GALNS: variants seen among roughly 807,000 people sequenced by gnomAD.
GALNS encodes the protein N-acetylgalactosamine-6-sulfatase.
GALNS carries 65 observed loss-of-function variants against 65.9 expected under a neutral mutation model. The ratio of observed to expected loss-of-function variants is 0.99; its 90% CI spans 0.81 to 1.21. The LOEUF (loss-of-function observed/expected upper bound fraction) is 1.21. Among genes scored for constraint, GALNS ranks in the 50% most tolerant of loss-of-function variants. The pLI, the probability that GALNS is intolerant of heterozygous loss-of-function variation, is 0.00. For missense variants in GALNS, 776 were observed against 700.7 expected, an observed-to-expected ratio of 1.11 and a Z score of -1.21; for synonymous variants, 346 against 288.9, an observed-to-expected ratio of 1.20 and a Z score of -2.00.
intron 1 of GALNS, among the ~76,000 whole-genome samples, chr16:88,851,810 G>C (rs1967521351): frequency 6.6e-6 from 1 of 152,254 alleles, no homozygotes; most frequent in Non-Finnish European, 1.5e-5. Flanking sequence ...CTGGGGAGGG[G>C]CGTCCGCCAT....
intron 11 of GALNS, among the ~76,000 whole-genome samples, chr16:88,823,254 C>G (rs1263128663): frequency 6.6e-6 from 1 of 152,136 alleles, no homozygotes; most frequent in African/African-American, 2.4e-5. Context: ...AGGAGCAGGA[C>G]CAACATGTGA....
At chr16:88,840,069 G>A (rs532956452) in intron 4 of GALNS, among the ~76,000 whole-genome samples, 1 of 152,338 alleles carries the variant, frequency 6.6e-6, no homozygotes, top group African/African-American at 2.4e-5. Context: ...CCCTGTGTGA[G>A]GACTCTGCAG....
At chr16:88,834,565 G>A (rs1289128262) in intron 8 of GALNS, among the ~76,000 whole-genome samples, 2 of 131,024 alleles carry the variant, frequency 1.5e-5, no homozygotes, top group South Asian at 2.8e-4. Flanking sequence ...AGGCTGCAGG[G>A]CCCCCCTCAG....
chr16:88,829,807 T>G (rs1456634908), intron 9 of GALNS, among the ~76,000 whole-genome samples: 1 of 152,196 alleles, frequency 6.6e-6, no homozygotes, highest in Non-Finnish European at 1.5e-5. Context: ...TCCCTGGGCC[T>G]TCAGGCGCGC....
chr16:88,824,010 C>G (rs1207449478), intron 11 of GALNS, among the ~76,000 whole-genome samples: 1 of 152,226 alleles, frequency 6.6e-6, no homozygotes, highest in African/African-American at 2.4e-5. Context: ...CCACGAGCAG[C>G]TTCCCTCCTC....
chr16:88,846,081 G>A (rs1967229890), intron 1 of GALNS, among the ~76,000 whole-genome samples: 1 of 152,212 alleles, frequency 6.6e-6, no homozygotes, highest in Non-Finnish European at 1.5e-5. Flanking sequence ...AACCCATTAT[G>A]CCAATTTAAA....
chr16:88,816,403 T>A (rs1004605568), intron 13 of GALNS: 1 of 985,294 alleles, frequency 1.0e-6, no homozygotes, highest in Non-Finnish European at 1.2e-6. Context: ...TCAGGGGTCC[T>A]GAGACAGGGA....
intron 1 of GALNS, chr16:88,845,047 T>TA (rs1177506771): frequency 6.6e-6 from 1 of 152,254 alleles, no homozygotes; most frequent in African/African-American, 2.4e-5. Context: ...CTTATGGGTT[T>TA]AAAAAACGGC....
rs8059203 is a variant in GALNS at position 88,815,594 on chromosome 16, G to A, written c.1483-1069C>T. The A allele has an allele frequency of 9.5e-3, 9,321 of 985,460 alleles. 660 individuals carry two copies. In the African/African-American group the frequency reaches 0.15, roughly 16 times the overall value. 61.0% of individuals were successfully genotyped at this position (985,460 alleles called of 1,614,324 possible). ...AGGAGCCTTCTTGGCTGAAATGAGTGCAGTTTGGTTCTGTGTCCCCATCCA... is the reference window on the plus strand; with the variant it reads ...AGGAGCCTTCTTGGCTGAAATGAGTACAGTTTGGTTCTGTGTCCCCATCCA... On this transcript the variant is annotated intron_variant, in intron 13 of 13. Coordinates refer to ENST00000268695, the MANE Select transcript of GALNS (RefSeq NM_000512.5).
At chr16:88,849,583 G>A (rs1358402053) in intron 1 of GALNS, among the ~76,000 whole-genome samples, 3 of 152,088 alleles carry the variant, frequency 2.0e-5, no homozygotes, top group Admixed American at 1.3e-4. Context: ...ACCGTGTCAG[G>A]CCAACTTTTT....
intron 9 of GALNS, among the ~76,000 whole-genome samples, chr16:88,830,290 G>A (rs1047799334): frequency 2.0e-5 from 3 of 151,004 alleles, no homozygotes; most frequent in East Asian, 3.9e-4. Context: ...AGATGCCTGC[G>A]TGCTGCTGGC....
At position 88,831,988 on chromosome 16, in the gene GALNS, G is replaced by A. The variant is rs746669295; in HGVS notation, c.1002+10C>T. 48 of 1,610,048 alleles carry A rather than the reference G, an allele frequency of 3.0e-5. No individual in the cohort carries two copies. Among genetic ancestry groups the A allele is most frequent in the Admixed American group, 5.0e-5 (3 of 59,932 alleles). Reference sequence around the variant, plus strand: ...CCTGCTGCCCGGCAGACCGGTGGACGCTGACTCACCTGGCCTGCAGTGACG... The same window carrying A: ...CCTGCTGCCCGGCAGACCGGTGGACACTGACTCACCTGGCCTGCAGTGACG... On this transcript the variant is annotated intron_variant, in intron 9 of 13. Coordinates refer to ENST00000268695, the MANE Select transcript of GALNS (RefSeq NM_000512.5).
chr16:88,842,868 C>G (rs1198874829), intron 1 of GALNS, 39 bp from the exon 2 acceptor site: 1 of 1,608,922 alleles, frequency 6.2e-7, no homozygotes, highest in East Asian at 2.2e-5. Context: ...TGAGCGCCTT[C>G]TGCAGGTGCT....
At chr16:88,831,130 C>G (rs1262866846) in intron 9 of GALNS, among the ~76,000 whole-genome samples, 1 of 152,348 alleles carries the variant, frequency 6.6e-6, no homozygotes, top group African/African-American at 2.4e-5. Context: ...CCAGTCCCCA[C>G]CGAGAGCCTT....
At chr16:88,840,732 A>C in intron 4 of GALNS, 1 of 517,036 alleles carries the variant, frequency 1.9e-6, no homozygotes, top group Non-Finnish European at 3.5e-6. Context: ...GACTCGAGGG[A>C]TGACGGTGAC....
intron 4 of GALNS, among the ~76,000 whole-genome samples, chr16:88,839,476 T>A (rs2143003546): frequency 6.6e-6 from 1 of 152,360 alleles, no homozygotes; most frequent in Admixed American, 6.5e-5. Flanking sequence ...GCAGGGAGTG[T>A]CCGCGGCCCT....
intron 1 of GALNS, 188 bp downstream of exon 1, chr16:88,856,570 C>T (rs1967905468): frequency 3.3e-6 from 2 of 610,234 alleles, no homozygotes; most frequent in East Asian, 3.1e-5. Context: ...TCCCCCTCCC[C>T]GCACGGGGAT....
At chr16:88,818,524 C>T (rs971871916) in intron 12 of GALNS, among the ~76,000 whole-genome samples, 2 of 151,888 alleles carry the variant, frequency 1.3e-5, no homozygotes, top group Non-Finnish European at 2.9e-5. Flanking sequence ...ACAAAAGCAA[C>T]GTCATCCCAT....
chr16:88,828,787 G>T (rs1166266937), intron 9 of GALNS, among the ~76,000 whole-genome samples: 3 of 152,224 alleles, frequency 2.0e-5, no homozygotes, highest in Non-Finnish European at 4.4e-5. Context: ...ACTACGCATG[G>T]AGCCGGGCGG....
Sources: allele counts gnomAD v4.1 joint callset (sites outside exome capture counted in the v4.1 genomes callset), GRCh38; gene constraint gnomAD v4.1.1; transcripts MANE v1.5; gene names NCBI Gene and HGNC (gene_info 2026-07-23, HGNC 2026-07-21).